The following DMXL2 variants were observed in gnomAD, a reference collection of about 807,000 sequenced individuals.
The protein encoded by DMXL2 is Dmx like 2.
In DMXL2, 103 loss-of-function variants were observed where a neutral mutation model predicts 331.1. The ratio of observed to expected loss-of-function variants is 0.31; its 90% confidence interval spans 0.27 to 0.37. The LOEUF is 0.37. Among genes scored for constraint, DMXL2 ranks in the 10% least tolerant of loss-of-function variants. The pLI is 1.00. For missense variants in DMXL2, 3,171 were observed against 3,642.9 expected, an observed-to-expected ratio of 0.87 and a Z score of 3.33; for synonymous variants, 1,281 against 1,252.1, an observed-to-expected ratio of 1.02 and a Z score of -0.49.
chr15:51,458,997 A>C (rs1223513265), intron 34 of DMXL2: 4 of 556,996 alleles, frequency 7.2e-6, no homozygotes, highest in South Asian at 4.7e-5. Context: ...GATGTCCTGT[A>C]ATCACCCCAA....
At chr15:51,566,232 G>GGTGTGT (rs71127197) in intron 3 of DMXL2, among the ~76,000 whole-genome samples, 65 of 144,840 alleles carry the variant, frequency 4.5e-4, no homozygotes, top group African/African-American at 1.1e-3. Flanking sequence ...GTGTGTGTGG[G>GGTGTGT]GTGTGTGTGT....
At chr15:51,543,723 C>T (rs141086435) in intron 8 of DMXL2, among the ~76,000 whole-genome samples, 1 of 152,014 alleles carries the variant, frequency 6.6e-6, no homozygotes, top group Non-Finnish European at 1.5e-5. Context: ...CAGACAATTA[C>T]GTTTTTTCTT....
intron 1 of DMXL2, among the ~76,000 whole-genome samples, chr15:51,580,473 A>G (rs76514972): frequency 7.4e-4 from 112 of 152,292 alleles, no homozygotes; most frequent in African/African-American, 2.6e-3. Context: ...TTTTCTGGAG[A>G]AATGGAATCC....
At chr15:51,528,880 C>T (rs1004876513) in intron 13 of DMXL2, among the ~76,000 whole-genome samples, 8 of 152,094 alleles carry the variant, frequency 5.3e-5, no homozygotes, top group African/African-American at 1.9e-4. Context: ...AGTCTTAAAA[C>T]ATTTTAAGAA....
chr15:51,458,624 T>C lies in DMXL2; in HGVS notation c.8080A>G (p.Asn2694Asp). The C allele has an allele frequency of 2.5e-6, 4 of 1,613,966 alleles. No individual in the cohort carries two copies. Among genetic ancestry groups the C allele is most frequent in the Non-Finnish European group, 3.4e-6 (4 of 1,179,890 alleles). ...MIMAFSVNKA[N>D]CNEIVLASTH... The stretch of plus-strand genomic sequence containing the variant: ...GAAGCCAAAACAATTTCATTACAAT[T>C]TGCCTATAAAGCAAAGGCAGAATCG... Residue 2694 changes from asparagine (N) to aspartate (D), a missense_variant, in exon 36 of 44, where the codon AAT (asparagine) becomes GAT (aspartate). Physicochemically the swap from Asn to Asp is conservative, Grantham distance 23. Transcript: ENST00000560891.
intron 15 of DMXL2, among the ~76,000 whole-genome samples, chr15:51,511,529 G>A (rs1286089537): frequency 1.3e-5 from 2 of 152,278 alleles, no homozygotes; most frequent in East Asian, 1.9e-4. Context: ...TCATTAAAAA[G>A]TCAAGAAACA....
At position 51,495,017 on chromosome 15, in the gene DMXL2, G is replaced by A. The variant is rs1228510303; in HGVS notation, c.4783+7C>T. 2.4e-5 allele frequency: 39 copies of A among 1,602,198 alleles called. No individual in the cohort carries two copies. Among genetic ancestry groups the A allele is most frequent in the Non-Finnish European group, 3.2e-5 (38 of 1,169,926 alleles). ...TTGTGCAAAGCTTCAAACAGTGAGTGAATTACCTTGATGAAGTAGCTGCAC... is the reference window on the plus strand; with the variant it reads ...TTGTGCAAAGCTTCAAACAGTGAGTAAATTACCTTGATGAAGTAGCTGCAC... On this transcript the variant is annotated splice_region_variant and intron_variant, in intron 19 of 43. Transcript: ENST00000560891.
chr15:51,576,423 T>C (rs2051048126), intron 1 of DMXL2, among the ~76,000 whole-genome samples: 1 of 152,122 alleles, frequency 6.6e-6, no homozygotes, highest in Admixed American at 6.6e-5. Flanking sequence ...AAAGGGTTCT[T>C]CCAGTTCTTA....
At chr15:51,521,178 G>C (rs535843692) in intron 13 of DMXL2, among the ~76,000 whole-genome samples, 1 of 152,238 alleles carries the variant, frequency 6.6e-6, no homozygotes, top group Non-Finnish European at 1.5e-5. Flanking sequence ...AGCCGTAGTT[G>C]TAAGAGTTTG....
In DMXL2 at chr15:51,571,269, C is replaced by T. The variant is rs140180826; in HGVS notation, c.214-2711G>A. ...AATATATATGCACCTAATACAGGAG[C>T]ACCCAGATTCATAAAGCAAGTTCTT... On this transcript the variant is annotated intron_variant, in intron 2 of 43. Transcript: ENST00000560891. Among the ~76,000 whole-genome samples, 948 of 152,224 alleles carry T rather than the reference C, an allele frequency of 6.2e-3. 8 individuals are homozygous for T. The highest frequency in any genetic ancestry group is 0.022 in the African/African-American group (910 of 41,540).
chr15:51,521,630 C>A (rs550919455), intron 13 of DMXL2, among the ~76,000 whole-genome samples: 1 of 152,212 alleles, frequency 6.6e-6, no homozygotes, highest in African/African-American at 2.4e-5. Flanking sequence ...TGGACAGCAT[C>A]AATGAATCCA....
rs762137119 is a variant in DMXL2, at chr15:51,481,286, A to T, written c.5820T>A (p.Ala1940=). The T allele has an allele frequency of 1.9e-6, 3 of 1,614,080 alleles. No individual in the cohort carries two copies. In the South Asian group the frequency reaches 3.3e-5, roughly 18 times the overall value. ...CAGAACTTCCATTGCCATCACTCAG[A>T]GCTTTTGAATGTGAAGGTACATCAT... The part of the protein sequence containing the change: ...RMDDVPSHSK[A]LSDGNGSSGI... The change falls in exon 24 of 44, where the codon GCT becomes GCA. Residue 1940 remains alanine, a synonymous_variant. Coordinates refer to ENST00000560891, the MANE Select transcript of DMXL2 (RefSeq NM_001378457.1).
At chr15:51,569,468 C>T (rs550063898) in intron 2 of DMXL2, among the ~76,000 whole-genome samples, 2 of 152,286 alleles carry the variant, frequency 1.3e-5, no homozygotes, top group South Asian at 2.1e-4. Context: ...GCACAGCATT[C>T]GAGCTCTGAT....
chr15:51,519,625 CAA>C (rs2047228609), intron 13 of DMXL2, among the ~76,000 whole-genome samples: 1 of 141,848 alleles, frequency 7.0e-6, no homozygotes, highest in Admixed American at 7.1e-5. Context: ...CTGGTTTTGA[CAA>C]AGTCTCTTGT....
rs1390173389 is a variant in DMXL2 at position 51,499,245 on chromosome 15, C to T, written c.3979G>A (p.Val1327Ile). 5.6e-6 allele frequency: 9 copies of T among 1,613,812 alleles called. No individual in the cohort carries two copies. The highest frequency in any genetic ancestry group is 6.8e-6 in the Non-Finnish European group (8 of 1,180,014). Residue 1327 changes from valine to isoleucine, a missense_variant, in exon 18 of 44, where the codon GTA becomes ATA. Physicochemically the swap from Val to Ile is conservative, Grantham distance 29 (BLOSUM62 3). Around this residue, in one of 7 missense-constraint regions of DMXL2, gnomAD observed 1,674 missense variants for 1,780.2 expected, o/e 0.94. Transcript: ENST00000560891. Reference protein sequence around the residue: ...ISDDVFCSPTVIQDGGLFEAA... With the variant: ...ISDDVFCSPTIIQDGGLFEAA... ...TCAAATAAGCCACCATCTTGAATTA[C>T]AGTTGGTGAACAAAAAACATCATCA...
intron 1 of DMXL2, among the ~76,000 whole-genome samples, chr15:51,608,519 T>C (rs1225669654): frequency 3.9e-5 from 6 of 152,156 alleles, no homozygotes; most frequent in Non-Finnish European, 8.8e-5. Flanking sequence ...TACCACATAT[T>C]CTCATTTATA....
chr15:51,580,047 T>C (rs974816467), intron 1 of DMXL2, among the ~76,000 whole-genome samples: 5 of 152,220 alleles, frequency 3.3e-5, no homozygotes, highest in African/African-American at 1.2e-4. Context: ...ATGAAGATCC[T>C]GTTGGTGCTA....
chr15:51,618,313 C>CT (rs10577626), intron 1 of DMXL2, among the ~76,000 whole-genome samples: 96 of 145,804 alleles, frequency 6.6e-4, no homozygotes, highest in African/African-American at 1.1e-3. Context: ...TCTTGTAATT[C>CT]TTTTTTTTTT....
intron 6 of DMXL2, among the ~76,000 whole-genome samples, chr15:51,548,959 T>A (rs563322459): frequency 2.2e-4 from 33 of 152,094 alleles, no homozygotes; most frequent in Admixed American, 9.8e-4. Flanking sequence ...TTTTGTGTTA[T>A]TTATTTATTT....
Sources: allele counts gnomAD v4.1 joint callset (sites outside exome capture counted in the v4.1 genomes callset), GRCh38; gene constraint gnomAD v4.1.1; regional missense constraint gnomAD v4.1.1; transcripts MANE v1.5; gene names NCBI Gene and HGNC (gene_info 2026-07-23, HGNC 2026-07-21).